SHISA9: variants seen among roughly 807,000 people sequenced by gnomAD.
The protein encoded by SHISA9 is shisa family member 9.
In SHISA9, 13 loss-of-function variants were observed where a neutral mutation model predicts 38.0. The ratio of observed to expected loss-of-function variants is 0.34; its 90% confidence interval spans 0.22 to 0.54. SHISA9 has a LOEUF of 0.54. Among genes scored for constraint, SHISA9 ranks in the 20% least tolerant of loss-of-function variants. SHISA9 has a pLI of 0.91. For missense variants in SHISA9, 538 were observed against 575.8 expected (o/e 0.93, Z 0.67); for synonymous variants, 275 against 242.0 (o/e 1.14, Z -1.27).
chr16:13,008,778 C>T (rs1035090244), intron 2 of SHISA9, among the ~76,000 whole-genome samples: 1 of 151,700 alleles, frequency 6.6e-6, no homozygotes, highest in Non-Finnish European at 1.5e-5. Flanking sequence ...CCCAGCCATA[C>T]AGAACTGTGA....
At chr16:13,452,384 G>C in the SHISA9 span, among the ~76,000 whole-genome samples, 1 of 152,166 alleles carries the variant, frequency 6.6e-6, no homozygotes, top group Non-Finnish European at 1.5e-5. Context: ...ATTATTTCCA[G>C]TGTTCTTTTT....
chr16:13,482,686 A>G, the SHISA9 span, among the ~76,000 whole-genome samples: 1 of 152,026 alleles, frequency 6.6e-6, no homozygotes, highest in Non-Finnish European at 1.5e-5. Flanking sequence ...CTGTAGTCCC[A>G]GCTACTCAGA....
At chr16:13,247,885 C>T in the SHISA9 span, among the ~76,000 whole-genome samples, 1 of 152,206 alleles carries the variant, frequency 6.6e-6, no homozygotes, top group Admixed American at 6.5e-5. Context: ...TAGAACACTT[C>T]ATTGTTTTCA....
chr16:12,939,876 G>C (rs1230674620), intron 2 of SHISA9, among the ~76,000 whole-genome samples: 1 of 152,218 alleles, frequency 6.6e-6, no homozygotes, highest in Non-Finnish European at 1.5e-5. Flanking sequence ...GCAATGCTGA[G>C]AAAGCAAATC....
the SHISA9 span, among the ~76,000 whole-genome samples, chr16:13,256,313 CT>C: frequency 6.6e-6 from 1 of 152,142 alleles, no homozygotes; most frequent in Non-Finnish European, 1.5e-5. Context: ...TGGAGTTTCA[CT>C]GTTGTTGCCC....
the SHISA9 span, among the ~76,000 whole-genome samples, chr16:13,556,130 G>A: frequency 6.6e-6 from 1 of 152,120 alleles, no homozygotes; most frequent in Non-Finnish European, 1.5e-5. Flanking sequence ...TCCTCCTTCA[G>A]GACGTGTGTT....
the SHISA9 span, among the ~76,000 whole-genome samples, chr16:13,450,990 TG>T: frequency 2.6e-5 from 4 of 152,158 alleles, no homozygotes; most frequent in African/African-American, 9.7e-5. Flanking sequence ...CAGCTCCCAG[TG>T]GTATCATCCA....
intron 4 of SHISA9, among the ~76,000 whole-genome samples, chr16:13,216,117 A>G (rs2051165429): frequency 6.8e-6 from 1 of 147,412 alleles, no homozygotes; most frequent in Admixed American, 6.9e-5. Context: ...AATCCGGGAG[A>G]TGGAGTTTGC....
the SHISA9 span, among the ~76,000 whole-genome samples, chr16:13,440,395 T>C: frequency 6.6e-6 from 1 of 152,208 alleles, no homozygotes; most frequent in Non-Finnish European, 1.5e-5. Context: ...TTTGCTGCTG[T>C]GTTGGGAATC....
At chr16:13,356,573 G>A in the SHISA9 span, among the ~76,000 whole-genome samples, 33 of 152,250 alleles carry the variant, frequency 2.2e-4, no homozygotes, top group African/African-American at 7.0e-4. Context: ...GGGTGGAGGA[G>A]CAGAGGCTGA....
At chr16:13,264,113 C>T in the SHISA9 span, among the ~76,000 whole-genome samples, 1 of 151,850 alleles carries the variant, frequency 6.6e-6, no homozygotes, top group Admixed American at 6.6e-5. Flanking sequence ...CTGTCATCAC[C>T]TGTGTCTGCT....
intron 2 of SHISA9, among the ~76,000 whole-genome samples, chr16:13,079,369 A>G (rs1263404125): frequency 1.3e-5 from 2 of 152,228 alleles, no homozygotes; most frequent in Non-Finnish European, 2.9e-5. Context: ...TTCTTAGTAC[A>G]GTGTCTTACC....
chr16:13,019,610 C>CT (rs1163643105), intron 2 of SHISA9, among the ~76,000 whole-genome samples: 17 of 151,654 alleles, frequency 1.1e-4, no homozygotes, highest in Non-Finnish European at 2.5e-4. Flanking sequence ...ATTTCCCGGT[C>CT]TTTTTTTTAA....
the SHISA9 span, chr16:13,331,615 T>G: frequency 6.6e-6 from 1 of 152,214 alleles, no homozygotes; most frequent in Non-Finnish European, 1.5e-5. Context: ...TGCTACTTCA[T>G]CTGCTCTCCT....
At chr16:13,418,544 A>T in the SHISA9 span, among the ~76,000 whole-genome samples, 10 of 152,244 alleles carry the variant, frequency 6.6e-5, no homozygotes, top group African/African-American at 2.4e-4. Flanking sequence ...CCTCCGTATG[A>T]CCACATGGAC....
the SHISA9 span, among the ~76,000 whole-genome samples, chr16:13,393,171 G>A: frequency 0.036 from 5,416 of 152,200 alleles, 173 homozygotes; most frequent in African/African-American, 0.087. Context: ...TGATACCCTC[G>A]TGCTCACTGT....
intron 2 of SHISA9, among the ~76,000 whole-genome samples, chr16:13,051,133 A>C (rs951553826): frequency 6.6e-6 from 1 of 152,252 alleles, no homozygotes; most frequent in African/African-American, 2.4e-5. Context: ...TAATAAAGAC[A>C]TACCCAAGTC....
At chr16:13,178,437 C>T (rs989351837) in intron 2 of SHISA9, among the ~76,000 whole-genome samples, 1 of 152,080 alleles carries the variant, frequency 6.6e-6, no homozygotes, top group Non-Finnish European at 1.5e-5. Context: ...ATCTTGGGCC[C>T]CACGTTTTAC....
chr16:13,262,662 A>AGGGAGGGAGGGAGGGAGGG, the SHISA9 span, among the ~76,000 whole-genome samples: 5 of 52,442 alleles, frequency 9.5e-5, no homozygotes, highest in African/African-American at 3.5e-4. Context: ...GGAAGGAAGG[A>AGGGAGGGAGGGAGGGAGGG]AGGAAGGAAG....
Sources: gnomAD v4.1 joint callset for allele counts (sites outside exome capture counted in the v4.1 genomes callset) on GRCh38, gnomAD v4.1.1 for gene constraint, MANE v1.5 for transcripts, NCBI Gene and HGNC (gene_info 2026-07-23, HGNC 2026-07-21) for gene names.